RBM47: variants seen among roughly 807,000 people sequenced by gnomAD.
RBM47 encodes the protein RNA binding motif protein 47, also known as RNA-binding protein 47.
A neutral mutation model predicts 47.1 loss-of-function variants in RBM47; 21 were observed. That is an observed-to-expected ratio of 0.45 (90% confidence interval 0.32 to 0.64). RBM47 has a LOEUF of 0.64. Among genes scored for constraint, RBM47 ranks in the 30% least tolerant of loss-of-function variants. RBM47 has a pLI of 0.05. For synonymous variants in RBM47, 375 were observed against 361.7 expected (o/e 1.04, Z -0.42); for missense variants, 708 against 870.9 (o/e 0.81, Z 2.35).
At chr4:40,453,670 C>A (rs1715790031) in intron 3 of RBM47, among the ~76,000 whole-genome samples, 1 of 152,092 alleles carries the variant, frequency 6.6e-6, no homozygotes, top group Non-Finnish European at 1.5e-5. Flanking sequence ...AGGATACTGT[C>A]CCACCCCATG....
Position 40,626,901 on chromosome 4 carries a change from G to A in RBM47, c.-240+2495C>T, listed in dbSNP as rs944801856. On this transcript the variant is annotated intron_variant, in intron 1 of 6. Transcript: ENST00000295971. ...AACAACAACTTGAGGTGGCAACTGAGCAATTAGTTACTGATCATTTCTATG... is the reference window on the plus strand; with the variant it reads ...AACAACAACTTGAGGTGGCAACTGAACAATTAGTTACTGATCATTTCTATG... Among the ~76,000 whole-genome samples the A allele has an allele frequency of 3.9e-5, 6 of 152,180 alleles. 1 individual carries two copies. The highest frequency in any genetic ancestry group is 6.5e-5 in the Admixed American group (1 of 15,268).
chr4:40,591,618 C>T (rs1326738303), intron 1 of RBM47, among the ~76,000 whole-genome samples: 2 of 152,146 alleles, frequency 1.3e-5, no homozygotes, highest in Non-Finnish European at 1.5e-5. Flanking sequence ...TGCTTGAACC[C>T]AGGAGGCAGA....
intron 1 of RBM47, among the ~76,000 whole-genome samples, chr4:40,566,617 G>T (rs777450844): frequency 6.6e-6 from 1 of 151,948 alleles, no homozygotes; most frequent in Non-Finnish European, 1.5e-5. Flanking sequence ...TACACTCCAC[G>T]CTGGGCGACA....
chr4:40,533,389 G>A (rs936134909), intron 2 of RBM47, among the ~76,000 whole-genome samples: 7 of 148,440 alleles, frequency 4.7e-5, no homozygotes, highest in African/African-American at 1.7e-4. Context: ...AGCTGAGACC[G>A]CACCACTGCA....
chr4:40,481,351 T>C (rs1234727550), intron 2 of RBM47, among the ~76,000 whole-genome samples: 3 of 149,478 alleles, frequency 2.0e-5, no homozygotes, highest in Non-Finnish European at 3.0e-5. Flanking sequence ...TGGCTCACTG[T>C]AACATCTGCC....
chr4:40,589,270 A>G (rs565499026), intron 1 of RBM47, among the ~76,000 whole-genome samples: 1 of 151,878 alleles, frequency 6.6e-6, no homozygotes, highest in South Asian at 2.1e-4. Context: ...ACCCGGCCCA[A>G]AGGTTTCTTT....
intron 2 of RBM47, among the ~76,000 whole-genome samples, chr4:40,493,178 C>T (rs889836989): frequency 2.0e-5 from 3 of 152,094 alleles, no homozygotes; most frequent in Admixed American, 6.6e-5. Flanking sequence ...TAGGATTCCC[C>T]CTATGAGCTG....
intron 5 of RBM47, among the ~76,000 whole-genome samples, chr4:40,435,743 G>C (rs1189745958): frequency 6.6e-6 from 1 of 152,128 alleles, no homozygotes; most frequent in Non-Finnish European, 1.5e-5. Flanking sequence ...GTAAGGAAAA[G>C]ACAGGTTTTA....
intron 5 of RBM47, among the ~76,000 whole-genome samples, chr4:40,433,998 C>CAGGG (rs1553876867): frequency 7.1e-5 from 3 of 42,074 alleles, no homozygotes; most frequent in Admixed American, 5.6e-4. Context: ...GTGTGTGGGG[C>CAGGG]GGGGGTGTGT....
intron 2 of RBM47, chr4:40,514,870 A>G (rs1196139343): frequency 1.3e-5 from 2 of 152,266 alleles, no homozygotes; most frequent in African/African-American, 2.4e-5. Flanking sequence ...TAAAGGTGGC[A>G]TAACGATAAG....
chr4:40,550,644 C>T (rs1729474214), intron 1 of RBM47, among the ~76,000 whole-genome samples: 1 of 152,040 alleles, frequency 6.6e-6, no homozygotes. Flanking sequence ...GTCTCAAACT[C>T]CTGACCTCAA....
At chr4:40,531,063 C>T (rs1009358764) in intron 2 of RBM47, among the ~76,000 whole-genome samples, 1 of 152,080 alleles carries the variant, frequency 6.6e-6, no homozygotes, top group Admixed American at 6.5e-5. Flanking sequence ...CGCGGCAGTG[C>T]GCTCCAGCCT....
chr4:40,622,701 G>A (rs1578087933), intron 1 of RBM47, among the ~76,000 whole-genome samples: 1 of 152,254 alleles, frequency 6.6e-6, no homozygotes, highest in Non-Finnish European at 1.5e-5. Context: ...GGCCAACATG[G>A]TGAAACTCCA....
chr4:40,478,009 CT>C lies in RBM47; in HGVS notation c.-154-11311del, dbSNP rs1194806938. On this transcript the variant is annotated intron_variant, in intron 2 of 6. Coordinates refer to ENST00000295971, the MANE Select transcript of RBM47 (RefSeq NM_001098634.2). ...TGCCACATGAGCCATGTGGCATGTT[CT>C]TTTTTTTTTTTTTTTTTTTTTTGAG... Among the ~76,000 whole-genome samples, 141 of 86,380 alleles carry C rather than the reference CT, an allele frequency of 1.6e-3. No individual in the cohort carries two copies. The East Asian group carries it at 0.019, about 11-fold the overall frequency. The allele number at this position is 86,380 out of a possible 152,430, so 56.7% of individuals were successfully genotyped here. A position where few individuals can be genotyped will look rare whatever the true frequency, so the allele number is the denominator to read the frequency against.
chr4:40,486,069 C>CAAA lies in RBM47; in HGVS notation c.-154-19373_-154-19371dup, dbSNP rs201408070. Among the ~76,000 whole-genome samples the CAAA allele has an allele frequency of 8.4e-3, 529 of 62,750 alleles. 58 individuals carry two copies. Among genetic ancestry groups the CAAA allele is most frequent in the African/African-American group, 0.02 (404 of 20,154 alleles). 41.2% of individuals were successfully genotyped at this position (62,750 alleles called of 152,430 possible). ...TGGACAACAGAGCAAAACCCTGTTT[C>CAAA]AAAAAAAAAAAAAAAAAAAAAAAAA... On this transcript the variant is annotated intron_variant, in intron 2 of 6. Transcript: ENST00000295971.
intron 6 of RBM47, among the ~76,000 whole-genome samples, chr4:40,429,961 G>A (rs1328854912): frequency 1.3e-5 from 2 of 152,058 alleles, no homozygotes; most frequent in African/African-American, 4.8e-5. Flanking sequence ...TTGGGAGGCT[G>A]AGGAGGGCGG....
chr4:40,622,215 G>A (rs865862961), intron 1 of RBM47, among the ~76,000 whole-genome samples: 13 of 152,202 alleles, frequency 8.5e-5, no homozygotes, highest in Admixed American at 7.2e-4. Flanking sequence ...GCTACAAAGC[G>A]ATAAATACCA....
intron 3 of RBM47, among the ~76,000 whole-genome samples, chr4:40,449,077 C>T (rs989018163): frequency 6.6e-6 from 1 of 152,184 alleles, no homozygotes; most frequent in African/African-American, 2.4e-5. Flanking sequence ...CTCGGGCAGG[C>T]CCCTGGCACC....
At chr4:40,588,312 C>G (rs1733787594) in intron 1 of RBM47, among the ~76,000 whole-genome samples, 1 of 152,150 alleles carries the variant, frequency 6.6e-6, no homozygotes, top group Non-Finnish European at 1.5e-5. Context: ...GCTCCTCAAC[C>G]AAGGTAATCA....
Sources: allele counts gnomAD v4.1 joint callset (sites outside exome capture counted in the v4.1 genomes callset), GRCh38; gene constraint gnomAD v4.1.1; transcripts MANE v1.5; gene names NCBI Gene and HGNC (gene_info 2026-07-23, HGNC 2026-07-21).